Variants in MSL2 observed in about 807,000 individuals in gnomAD.
The protein encoded by MSL2 is MSL complex subunit 2.
MSL2 carries 2 observed loss-of-function variants against 35.8 expected under a neutral mutation model. The ratio of observed to expected loss-of-function variants is 0.06; its 90% CI spans 0.02 to 0.18. MSL2 has a LOEUF of 0.18. Among genes scored for constraint, MSL2 ranks in the 10% least tolerant of loss-of-function variants. The probability of loss-of-function intolerance (pLI) is 1.00; values close to 1 mark genes in which losing one functional copy is unlikely to be tolerated. For missense variants in MSL2, 523 were observed against 706.7 expected, an observed-to-expected ratio of 0.74 and a Z score of 2.95; for synonymous variants, 296 against 255.7, an observed-to-expected ratio of 1.16 and a Z score of -1.50.
intron 1 of MSL2, among the ~76,000 whole-genome samples, chr3:136,159,083 A>G (rs1421960311): frequency 6.6e-6 from 1 of 152,302 alleles, no homozygotes; most frequent in Non-Finnish European, 1.5e-5. Context: ...TTTCTTAAAG[A>G]AATTGACAGG....
intron 1 of MSL2, among the ~76,000 whole-genome samples, chr3:136,162,282 A>G (rs982869687): frequency 1.3e-5 from 2 of 151,414 alleles, no homozygotes; most frequent in Non-Finnish European, 2.9e-5. Context: ...TTAAAAAAAA[A>G]AAAAAAAGAG....
At chr3:136,188,367 G>A (rs1940581319) in intron 1 of MSL2, among the ~76,000 whole-genome samples, 1 of 151,402 alleles carries the variant, frequency 6.6e-6, no homozygotes, top group Non-Finnish European at 1.5e-5. Context: ...CCATGAAGCA[G>A]AGGTTGCAGT....
chr3:136,183,195 A>G (rs1220963442), intron 1 of MSL2, among the ~76,000 whole-genome samples: 1 of 152,206 alleles, frequency 6.6e-6, no homozygotes, highest in Non-Finnish European at 1.5e-5. Flanking sequence ...GATGAGAAGA[A>G]AAACCAGTGC....
chr3:136,149,467 T>TA lies in MSL2; in HGVS notation c.*1679_*1680insT, dbSNP rs1939278120. ...AAGAAGCATTTTCCACCATTTACTC[T>TA]TGTTATCAAAAATAGTTCAACTCTT... On this transcript the variant is annotated 3_prime_UTR_variant, in exon 2 of 2. Coordinates refer to ENST00000309993, the MANE Select transcript of MSL2 (RefSeq NM_018133.4). The TA allele has an allele frequency of 6.6e-6, 1 of 152,386 alleles. No individual in the cohort carries two copies. The highest frequency in any genetic ancestry group is 2.4e-5 in the African/African-American group (1 of 41,404). 9.4% of individuals were successfully genotyped at this position (152,386 alleles called of 1,614,324 possible).
chr3:136,160,267 C>A (rs1170602782), intron 1 of MSL2, among the ~76,000 whole-genome samples: 2 of 110,640 alleles, frequency 1.8e-5, no homozygotes, highest in Non-Finnish European at 3.5e-5. Flanking sequence ...CAGAGAAAGA[C>A]TCTGTCTCAA....
rs1278182532 is a variant in MSL2, at chr3:136,194,982, G to A, written c.132C>T (p.Cys44=). 2 of 1,613,628 alleles carry A rather than the reference G, an allele frequency of 1.2e-6. No individual in the cohort carries two copies. Among genetic ancestry groups the A allele is most frequent in the East Asian group, 2.2e-5 (1 of 44,880 alleles). The change falls in exon 1 of 2, where the codon TGC becomes TGT. Residue 44 remains cysteine (C), a synonymous_variant. Transcript: ENST00000309993. The stretch of plus-strand genomic sequence containing the variant: ...TAAAAAGCGTCTCACCGCAAACACA[G>A]CACGAAAGGGACTGTCGGAAGTAAG... The part of the protein sequence containing the change: ...LLPYFRQSLS[C]CVCGHLLQDP...
chr3:136,176,913 G>A (rs563234747), intron 1 of MSL2, among the ~76,000 whole-genome samples: 4 of 151,960 alleles, frequency 2.6e-5, no homozygotes, highest in Admixed American at 1.3e-4. Flanking sequence ...CAACACAAAC[G>A]GACTTACACA....
chr3:136,195,727 G>A lies in MSL2; in HGVS notation c.-614C>T. ...ACGCCGCCGCCGCGCTCTCCATATC[G>A]GACGCGGGGCCCAGACTGCGCCCTG... On this transcript the variant is annotated 5_prime_UTR_variant, in exon 1 of 2. Coordinates refer to ENST00000309993, the MANE Select transcript of MSL2 (RefSeq NM_018133.4). 2 of 984,886 alleles carry A rather than the reference G, an allele frequency of 2.0e-6. No individual in the cohort carries two copies. Among genetic ancestry groups the A allele is most frequent in the African/African-American group, 1.7e-5 (1 of 57,170 alleles). The allele number at this position is 984,886 out of a possible 1,614,324, so 61.0% of individuals were successfully genotyped here. A position where few individuals can be genotyped will look rare whatever the true frequency, so the allele number is the denominator to read the frequency against.
intron 1 of MSL2, among the ~76,000 whole-genome samples, chr3:136,182,715 CAAAA>C (rs1173234700): frequency 9.7e-6 from 1 of 102,878 alleles, no homozygotes; most frequent in South Asian, 3.2e-4. Flanking sequence ...GACTCCGTCT[CAAAA>C]AAAAAAAAAA....
intron 1 of MSL2, among the ~76,000 whole-genome samples, chr3:136,188,266 T>C (rs1940578800): frequency 6.6e-6 from 1 of 151,908 alleles, no homozygotes; most frequent in Non-Finnish European, 1.5e-5. Context: ...AAACTCCGTG[T>C]CTACTAAAAA....
Position 136,149,132 on chromosome 3 carries a change from A to C in MSL2, c.*2015T>G, listed in dbSNP as rs1452419506. Reference sequence around the variant, plus strand: ...CCTCCCATGCATCAAAAAAAAAAAAAAACCCACAAGATTATCAAACTTGGG... The same window carrying C: ...CCTCCCATGCATCAAAAAAAAAAAACAACCCACAAGATTATCAAACTTGGG... On this transcript the variant is annotated 3_prime_UTR_variant, in exon 2 of 2. Transcript: ENST00000309993. 6.6e-6 allele frequency: 1 copy of C among 152,262 alleles called. No homozygotes were observed. Among genetic ancestry groups the C allele is most frequent in the Non-Finnish European group, 1.5e-5 (1 of 67,960 alleles). The allele number at this position is 152,262 out of a possible 1,614,324, so 9.4% of individuals were successfully genotyped here.
chr3:136,184,203 G>A (rs1283642458), intron 1 of MSL2, among the ~76,000 whole-genome samples: 1 of 152,142 alleles, frequency 6.6e-6, no homozygotes, highest in Non-Finnish European at 1.5e-5. Flanking sequence ...GGCTGAGGCA[G>A]GAGAATTGCT....
intron 1 of MSL2, among the ~76,000 whole-genome samples, chr3:136,176,281 C>T (rs976139919): frequency 3.9e-5 from 6 of 151,962 alleles, no homozygotes; most frequent in Admixed American, 1.3e-4. Flanking sequence ...TGGGAAGCCA[C>T]GGCAGGTGGA....
At position 136,151,779 on chromosome 3, in the gene MSL2, C is replaced by T. The variant is rs1202297532; in HGVS notation, c.1102G>A (p.Ala368Thr). 1.9e-6 allele frequency: 3 copies of T among 1,614,136 alleles called. No homozygotes were observed. Among genetic ancestry groups the T allele is most frequent in the Admixed American group, 1.7e-5 (1 of 60,014 alleles). ...STIIRGPTLG[A>T]SAPVTVKRES... ...CGTTTCACTGTCACAGGAGCAGATG[C>T]CCCCAGTGTTGGGCCTCGGATAATG... is the stretch of plus-strand genomic sequence containing the variant. The change falls in exon 2 of 2, where the codon GCA becomes ACA. Residue 368 changes from alanine (A) to threonine (T), a missense_variant. Transcript: ENST00000309993. The surrounding 1 kb of genome is among the most constrained non-coding windows in gnomAD (Gnocchi z 5.2).
chr3:136,177,817 C>T (rs1348841725), intron 1 of MSL2, among the ~76,000 whole-genome samples: 1 of 151,108 alleles, frequency 6.6e-6, no homozygotes, highest in African/African-American at 2.4e-5. Context: ...GATAGCTAAA[C>T]ATATATGCCA....
rs148911948 is a variant in MSL2 at position 136,151,188 on chromosome 3, TATC to T, written c.1690_1692del (p.Asp564del). 2.1e-5 allele frequency: 34 copies of T among 1,614,150 alleles called. No homozygotes were observed. Among genetic ancestry groups the T allele is most frequent in the East Asian group, 2.2e-5 (1 of 44,884 alleles). On this transcript the variant is annotated inframe_deletion, in exon 2 of 2. Transcript: ENST00000309993. This position sits in a 1 kb window ranked among gnomAD's most constrained non-coding sequence, Gnocchi z 5.2. ...ATGTCTATAGCTTCATCCAAACTTTTATCATCATGTGTACTGGCAGCTAAAAAC... is the reference window on the plus strand; with the variant it reads ...ATGTCTATAGCTTCATCCAAACTTTTATCATGTGTACTGGCAGCTAAAAAC...
In MSL2 at chr3:136,162,268, GT is replaced by G. The variant is rs1262384613; in HGVS notation, c.143-9531del. Among the ~76,000 whole-genome samples the G allele has an allele frequency of 2.8e-5, 4 of 144,342 alleles. No individual in the cohort carries two copies. In the East Asian group the frequency reaches 6.3e-4, roughly 23 times the overall value. 94.7% of individuals were successfully genotyped at this position (144,342 alleles called of 152,430 possible). A position where few individuals can be genotyped will look rare whatever the true frequency, so the allele number is the denominator to read the frequency against. ...TGCATTTGAAAAGATAAACCATAAG[GT>G]TTTTAAAAAAAAAAAAAAAAGAGGG... On this transcript the variant is annotated intron_variant, in intron 1 of 1. Transcript: ENST00000309993.
At position 136,195,341 on chromosome 3, in the gene MSL2, TGAGA is replaced by T; in HGVS notation, c.-232_-229del. ...CCCTGAGACTTCCAGACCAAAAATA[TGAGA>T]GAGAAACCAGCGTTCGAGTTCGTCC... is the stretch of plus-strand genomic sequence containing the variant. On this transcript the variant is annotated 5_prime_UTR_variant, in exon 1 of 2. Transcript: ENST00000309993. 1 of 1,320,150 alleles carries T rather than the reference TGAGA, an allele frequency of 7.6e-7. No homozygotes were observed. The highest frequency in any genetic ancestry group is 9.6e-7 in the Non-Finnish European group (1 of 1,037,672). The allele number at this position is 1,320,150 out of a possible 1,614,324, so 81.8% of individuals were successfully genotyped here.
At chr3:136,178,419 G>A (rs1940243022) in intron 1 of MSL2, among the ~76,000 whole-genome samples, 1 of 151,836 alleles carries the variant, frequency 6.6e-6, no homozygotes, top group African/African-American at 2.4e-5. Context: ...ACGGAACCAG[G>A]TTTGCTTTAT....
Sources: gnomAD v4.1 joint callset for allele counts (sites outside exome capture counted in the v4.1 genomes callset) on GRCh38, gnomAD v4.1.1 for gene constraint, Gnocchi (gnomAD v3.1) non-coding constraint, MANE v1.5 for transcripts, NCBI Gene and HGNC (gene_info 2026-07-23, HGNC 2026-07-21) for gene names.